The following TOX2 variants were observed in gnomAD, a reference collection of about 807,000 sequenced individuals.
TOX2 encodes the protein TOX high mobility group box family member 2, also known as granulosa cell HMG box 1.
TOX2 carries 15 observed loss-of-function variants against 47.4 expected under a neutral mutation model. That is an observed-to-expected ratio of 0.32 (90% CI 0.21 to 0.49). The LOEUF (loss-of-function observed/expected upper bound fraction) is 0.49. Ranked by LOEUF, TOX2 falls within the 20% of genes least tolerant of loss-of-function variation. The probability of loss-of-function intolerance (pLI) is 0.99; values close to 1 mark genes in which losing one functional copy is unlikely to be tolerated. For synonymous variants in TOX2, 290 were observed against 296.6 expected, an observed-to-expected ratio of 0.98 and a Z score of 0.23; for missense variants, 622 against 673.1, an observed-to-expected ratio of 0.92 and a Z score of 0.84.
At chr20:44,018,639 C>G (rs2070924210) in intron 3 of TOX2, among the ~76,000 whole-genome samples, 1 of 152,208 alleles carries the variant, frequency 6.6e-6, no homozygotes, top group Non-Finnish European at 1.5e-5. Flanking sequence ...CTCATGAGCT[C>G]TCTTTCTCTC....
chr20:44,066,267 C>T (rs191424101), intron 7 of TOX2, among the ~76,000 whole-genome samples, 160 bp downstream of exon 7: 42 of 152,320 alleles, frequency 2.8e-4, no homozygotes, highest in African/African-American at 9.1e-4. Flanking sequence ...AAGTGGGTCT[C>T]GCACACCTTA....
chr20:43,964,859 G>A (rs546806351), intron 1 of TOX2, among the ~76,000 whole-genome samples: 2 of 152,120 alleles, frequency 1.3e-5, no homozygotes, highest in Non-Finnish European at 2.9e-5. Flanking sequence ...AGCAGCCTTG[G>A]ATGTCATATT....
In TOX2 at chr20:44,043,985, T is replaced by C. The variant is rs181627439; in HGVS notation, c.412-7321T>C. Among the ~76,000 whole-genome samples the C allele has an allele frequency of 2.8e-3, 425 of 152,382 alleles. 1 individual carries two copies. The highest frequency in any genetic ancestry group is 9.8e-3 in the African/African-American group (408 of 41,588). On this transcript the variant is annotated intron_variant, in intron 3 of 8. Transcript: ENST00000341197. ...ATAAAGACACATGCACATGTATGTT[T>C]ACTGCGGCACTATTCACAGTAGCAA... is the stretch of plus-strand genomic sequence containing the variant.
At chr20:44,064,973 C>T in intron 6 of TOX2, 116 bp downstream of exon 6, 1 of 908,368 alleles carries the variant, frequency 1.1e-6, no homozygotes, top group Non-Finnish European at 1.7e-6. Context: ...AAGAATGGCT[C>T]AGACCTACAT....
At chr20:44,062,665 CA>C (rs1463746945) in intron 5 of TOX2, among the ~76,000 whole-genome samples, 4 of 152,082 alleles carry the variant, frequency 2.6e-5, no homozygotes, top group Non-Finnish European at 5.9e-5. Context: ...CATGTGGAAT[CA>C]AAAAAGAGCC....
chr20:44,039,206 TTCTC>T (rs2071292928), intron 3 of TOX2: 2 of 1,285,374 alleles, frequency 1.6e-6, no homozygotes, highest in Non-Finnish European at 2.0e-6. Context: ...GAGGGAAGGC[TTCTC>T]TGAGGAGGTG....
intron 1 of TOX2, among the ~76,000 whole-genome samples, chr20:43,934,209 C>G (rs975515458): frequency 2.0e-5 from 3 of 150,172 alleles, no homozygotes; most frequent in Non-Finnish European, 2.9e-5. Context: ...CCACTGAGGC[C>G]TGCAGTGTTC....
chr20:44,040,629 A>T (rs6031314), intron 3 of TOX2, among the ~76,000 whole-genome samples: 119,890 of 152,170 alleles, frequency 0.79, 47,577 homozygotes, highest in African/African-American at 0.87. Flanking sequence ...ATGAGTCATA[A>T]GTGGACATGG....
intron 1 of TOX2, among the ~76,000 whole-genome samples, chr20:43,945,126 G>T (rs1246561501): frequency 1.3e-4 from 20 of 151,890 alleles, no homozygotes; most frequent in Admixed American, 9.8e-4. Context: ...AATTACAAAT[G>T]TAATACACGC....
chr20:43,955,067 G>T (rs1343811356), intron 1 of TOX2: 4 of 215,246 alleles, frequency 1.9e-5, no homozygotes, highest in Non-Finnish European at 2.4e-5. Context: ...CTGACGCGAG[G>T]CTCTTTGTAA....
chr20:43,935,405 T>A (rs1395781163), intron 1 of TOX2, among the ~76,000 whole-genome samples: 1 of 152,136 alleles, frequency 6.6e-6, no homozygotes, highest in Non-Finnish European at 1.5e-5. Flanking sequence ...TATGTGGGGA[T>A]AAGATGGTCG....
chr20:43,934,990 C>G (rs1241218778), intron 1 of TOX2, among the ~76,000 whole-genome samples: 1 of 152,146 alleles, frequency 6.6e-6, no homozygotes. Context: ...TGGAATCATG[C>G]TCTGTCCAGG....
At chr20:44,000,009 G>T (rs1200069456) in intron 2 of TOX2, among the ~76,000 whole-genome samples, 1 of 152,242 alleles carries the variant, frequency 6.6e-6, no homozygotes, top group Non-Finnish European at 1.5e-5. Context: ...TATTCTAAAG[G>T]AAGGGAACAG....
rs2069049903 is a variant in TOX2 at position 43,915,889 on chromosome 20, C to T, written c.99+899C>T. ...CCACCCCAGCCAGGTCCCAGCTGCG[C>T]TGCGCCGGGCGCATTCCCAGTGATG... On this transcript the variant is annotated intron_variant, in intron 1 of 8. Transcript: ENST00000341197. This position sits in a 1 kb window ranked among gnomAD's most constrained non-coding sequence, Gnocchi z 7.1. 6.6e-6 allele frequency among the ~76,000 whole-genome samples: 1 copy of T among 152,230 alleles called. No homozygotes were observed. Among genetic ancestry groups the T allele is most frequent in the African/African-American group, 2.4e-5 (1 of 41,462 alleles).
At chr20:43,974,946 G>A (rs2070050248) in intron 2 of TOX2, among the ~76,000 whole-genome samples, 1 of 152,230 alleles carries the variant, frequency 6.6e-6, no homozygotes, top group African/African-American at 2.4e-5. Context: ...ATTGACATGC[G>A]CCAACATGCA....
chr20:44,003,841 C>T (rs1213345194), intron 2 of TOX2, among the ~76,000 whole-genome samples: 1 of 152,026 alleles, frequency 6.6e-6, no homozygotes, highest in East Asian at 1.9e-4. Context: ...GGGGCCAGGC[C>T]ATACAAGGAC....
chr20:44,028,827 A>G (rs922752772), intron 3 of TOX2, among the ~76,000 whole-genome samples: 1 of 152,168 alleles, frequency 6.6e-6, no homozygotes, highest in Non-Finnish European at 1.5e-5. Context: ...TGGACAGGTC[A>G]TTTTTAGTTA....
intron 8 of TOX2, among the ~76,000 whole-genome samples, chr20:44,068,074 A>G (rs1400164330): frequency 6.6e-6 from 1 of 151,984 alleles, no homozygotes; most frequent in Non-Finnish European, 1.5e-5. Flanking sequence ...GAGATTCTAC[A>G]TGGGTGGGTG....
intron 5 of TOX2, among the ~76,000 whole-genome samples, chr20:44,055,880 T>C (rs937616880): frequency 5.3e-5 from 8 of 152,192 alleles, no homozygotes; most frequent in Non-Finnish European, 7.3e-5. Flanking sequence ...ACTGACTTAT[T>C]TGAAACATCA....
Sources: allele counts gnomAD v4.1 joint callset (sites outside exome capture counted in the v4.1 genomes callset), GRCh38; gene constraint gnomAD v4.1.1; non-coding constraint Gnocchi (gnomAD v3.1); transcripts MANE v1.5; gene names NCBI Gene and HGNC (gene_info 2026-07-23, HGNC 2026-07-21).